The following PELI2 variants were observed in gnomAD, a reference collection of about 807,000 sequenced individuals.
PELI2 encodes E3 ubiquitin-protein ligase pellino homolog 2.
Under a neutral mutation model 42.3 loss-of-function variants are expected in PELI2, and 23 were observed. The ratio of observed to expected loss-of-function variants is 0.54; its 90% CI spans 0.39 to 0.77. PELI2 has a LOEUF of 0.77. PELI2 is among the 30% of genes least tolerant of loss of function. PELI2 has a pLI of 0.00. For synonymous variants in PELI2, 245 were observed against 212.2 expected, an observed-to-expected ratio of 1.15 and a Z score of -1.34; for missense variants, 463 against 553.2, an observed-to-expected ratio of 0.84 and a Z score of 1.64.
chr14:56,122,414 C>A (rs889261377), intron 1 of PELI2, among the ~76,000 whole-genome samples: 2 of 152,132 alleles, frequency 1.3e-5, no homozygotes, highest in Non-Finnish European at 2.9e-5. Flanking sequence ...CCTACTCTAC[C>A]CTTTCCTCAC....
rs185457991 is a variant in PELI2 at position 56,132,018 on chromosome 14, A to G, written c.77+13281A>G. Among the ~76,000 whole-genome samples the G allele has an allele frequency of 1.3e-3, 198 of 152,174 alleles. 2 individuals carry two copies. Among genetic ancestry groups the G allele is most frequent in the African/African-American group, 4.2e-3 (175 of 41,512 alleles). Reference sequence around the variant, plus strand: ...ACTGAATTTTCCTTGCTCCTGTGCAATTTACTAATTATAAATTAGTAAATT... The same window carrying G: ...ACTGAATTTTCCTTGCTCCTGTGCAGTTTACTAATTATAAATTAGTAAATT... On this transcript the variant is annotated intron_variant, in intron 1 of 5. Coordinates refer to ENST00000267460, the MANE Select transcript of PELI2 (RefSeq NM_021255.3).
intron 3 of PELI2, among the ~76,000 whole-genome samples, chr14:56,285,258 A>G (rs1889608011): frequency 6.6e-6 from 1 of 152,210 alleles, no homozygotes; most frequent in South Asian, 2.1e-4. Flanking sequence ...TACAGCTGAC[A>G]GTGTTTACAC....
At chr14:56,196,558 C>G (rs1221564353) in intron 2 of PELI2, among the ~76,000 whole-genome samples, 2 of 152,208 alleles carry the variant, frequency 1.3e-5, no homozygotes, top group Admixed American at 6.5e-5. Context: ...ATTCTTTTCT[C>G]TTGCCAAAGC....
intron 2 of PELI2, among the ~76,000 whole-genome samples, chr14:56,245,157 A>T (rs907956465): frequency 2.0e-5 from 3 of 152,200 alleles, no homozygotes; most frequent in African/African-American, 7.2e-5. Context: ...GCGTTTAGTA[A>T]ATTTTTCCAT....
chr14:56,297,116 G>A lies in PELI2; in HGVS notation c.1213G>A (p.Val405Ile). The A allele has an allele frequency of 6.2e-7, 1 of 1,605,676 alleles. No homozygotes were observed. The highest frequency in any genetic ancestry group is 1.7e-4 in the Middle Eastern group (1 of 6,060). Residue 405 changes from valine (V) to isoleucine (I), a missense_variant, in exon 6 of 6, where the codon GTT becomes ATT. Val to Ile is a conservative substitution (Grantham distance 29, BLOSUM62 3). This residue lies in a region of PELI2 where 103 missense variants were observed against 129.6 expected (regional missense o/e 0.80). Transcript: ENST00000267460. Reference protein sequence around the residue: ...AACPFCATQLVGEQNCIKLIF... With the variant: ...AACPFCATQLIGEQNCIKLIF... ...TTGCCCTTTCTGTGCTACACAGCTG[G>A]TTGGGGAGCAAAACTGCATCAAATT... is the stretch of plus-strand genomic sequence containing the variant.
At chr14:56,266,214 A>T (rs1463580325) in intron 2 of PELI2, among the ~76,000 whole-genome samples, 1 of 152,068 alleles carries the variant, frequency 6.6e-6, no homozygotes, top group Non-Finnish European at 1.5e-5. Context: ...AAGCTTTTCT[A>T]ACTATAAAGT....
intron 1 of PELI2, among the ~76,000 whole-genome samples, chr14:56,126,925 A>G (rs896807278): frequency 6.6e-6 from 1 of 152,202 alleles, no homozygotes; most frequent in Non-Finnish European, 1.5e-5. Flanking sequence ...ATGCAACCTG[A>G]CAAGACTGAT....
intron 2 of PELI2, among the ~76,000 whole-genome samples, chr14:56,194,348 A>G (rs1160648471): frequency 6.6e-6 from 1 of 152,010 alleles, no homozygotes; most frequent in Non-Finnish European, 1.5e-5. Context: ...TCTCTTCACT[A>G]CCTACCCTGT....
intron 1 of PELI2, among the ~76,000 whole-genome samples, chr14:56,156,161 G>A (rs193019972): frequency 6.6e-6 from 1 of 152,230 alleles, no homozygotes; most frequent in Admixed American, 6.5e-5. Flanking sequence ...TTTATCAAAT[G>A]TCTTCTCAGT....
intron 2 of PELI2, among the ~76,000 whole-genome samples, chr14:56,192,807 C>A (rs375705233): frequency 6.6e-6 from 1 of 152,176 alleles, no homozygotes; most frequent in East Asian, 1.9e-4. Flanking sequence ...GTTGTAAATG[C>A]TCAACAAATG....
chr14:56,287,309 C>T (rs146101149), intron 3 of PELI2, among the ~76,000 whole-genome samples: 33 of 152,272 alleles, frequency 2.2e-4, no homozygotes, highest in African/African-American at 7.9e-4. Context: ...ATACTTTTCT[C>T]CATTTGTTAA....
chr14:56,246,635 G>C (rs1888171462), intron 2 of PELI2, among the ~76,000 whole-genome samples: 1 of 152,050 alleles, frequency 6.6e-6, no homozygotes, highest in African/African-American at 2.4e-5. Flanking sequence ...TGTGTACCAG[G>C]AAGTATGGGC....
At chr14:56,264,911 A>G (rs918472245) in intron 2 of PELI2, among the ~76,000 whole-genome samples, 1 of 152,172 alleles carries the variant, frequency 6.6e-6, no homozygotes, top group Non-Finnish European at 1.5e-5. Context: ...AATGATGAGA[A>G]TTGACTGCAC....
At chr14:56,235,808 C>G (rs1310689547) in intron 2 of PELI2, among the ~76,000 whole-genome samples, 1 of 152,208 alleles carries the variant, frequency 6.6e-6, no homozygotes, top group African/African-American at 2.4e-5. Context: ...TGTTGCTCAT[C>G]CCTGTTAGTA....
chr14:56,172,127 T>C (rs984202113), intron 1 of PELI2, among the ~76,000 whole-genome samples: 35 of 152,222 alleles, frequency 2.3e-4, no homozygotes, highest in African/African-American at 7.2e-4. Context: ...CCAAACTTAG[T>C]GGCTTAAAAC....
chr14:56,178,306 T>G (rs774688012), intron 1 of PELI2, 29 bp from the exon 2 acceptor site: 31 of 1,609,724 alleles, frequency 1.9e-5, no homozygotes, highest in Non-Finnish European at 2.4e-5. Flanking sequence ...AATCTGCAGA[T>G]AGATGAACTC....
intron 2 of PELI2, among the ~76,000 whole-genome samples, chr14:56,203,500 T>C (rs766020217): frequency 3.9e-5 from 6 of 152,206 alleles, no homozygotes; most frequent in African/African-American, 7.2e-5. Flanking sequence ...GTCTTCTGTA[T>C]CTGTAGACTT....
rs1412085994 is a variant in PELI2 at position 56,219,502 on chromosome 14, T to C, written c.207+41038T>C. On this transcript the variant is annotated intron_variant, in intron 2 of 5. Transcript: ENST00000267460. This position sits in a 1 kb window ranked among gnomAD's most constrained non-coding sequence, Gnocchi z 4.1. Reference sequence around the variant, plus strand: ...CCTCAGCACTCAGCTATCACAGTCATAGCTCTCTCATCTGAGCAGCCTCTC... The same window carrying C: ...CCTCAGCACTCAGCTATCACAGTCACAGCTCTCTCATCTGAGCAGCCTCTC... 6.6e-6 allele frequency among the ~76,000 whole-genome samples: 1 copy of C among 152,182 alleles called. No individual in the cohort carries two copies. The highest frequency in any genetic ancestry group is 1.5e-5 in the Non-Finnish European group (1 of 68,026).
intron 2 of PELI2, among the ~76,000 whole-genome samples, chr14:56,202,055 C>T (rs4901649): frequency 0.83 from 126,053 of 152,144 alleles, 52,794 homozygotes; most frequent in Middle Eastern, 0.97. Flanking sequence ...ATGCATGAGA[C>T]AACCTGCCAG....
Sources: gnomAD v4.1 joint callset for allele counts (sites outside exome capture counted in the v4.1 genomes callset) on GRCh38, gnomAD v4.1.1 for gene constraint, gnomAD v4.1.1 regional missense constraint, Gnocchi (gnomAD v3.1) non-coding constraint, MANE v1.5 for transcripts, NCBI Gene and HGNC (gene_info 2026-07-23, HGNC 2026-07-21) for gene names.